Variants in CARD8 observed in about 807,000 individuals in gnomAD.
CARD8 encodes caspase recruitment domain family member 8.
CARD8 carries 38 observed loss-of-function variants against 53.2 expected under a neutral mutation model. The observed-to-expected ratio is 0.71, with a 90% confidence interval of 0.55 to 0.94. CARD8 has a LOEUF of 0.94. Among genes scored for constraint, CARD8 ranks in the 40% least tolerant of loss-of-function variants. CARD8 has a pLI of 0.00. For missense variants in CARD8, 561 were observed against 655.5 expected, an observed-to-expected ratio of 0.86 and a Z score of 1.57; for synonymous variants, 245 against 244.9, an observed-to-expected ratio of 1.00 and a Z score of 0.00.
chr19:48,214,314 G>A (rs568180364), intron 13 of CARD8, among the ~76,000 whole-genome samples: 9 of 152,240 alleles, frequency 5.9e-5, no homozygotes, highest in East Asian at 1.9e-4. Flanking sequence ...TTGTTACACC[G>A]TCTCTCTAAA....
At chr19:48,219,042 C>T (rs2145622790) in intron 11 of CARD8, 30 bp from the exon 12 acceptor site, 1 of 1,612,076 alleles carries the variant, frequency 6.2e-7, no homozygotes, top group South Asian at 1.1e-5. Flanking sequence ...TGACTTGAAG[C>T]AGTGGAGGGT....
At chr19:48,226,894 G>A (rs895013303) in intron 10 of CARD8, among the ~76,000 whole-genome samples, 1 of 151,696 alleles carries the variant, frequency 6.6e-6, no homozygotes, top group Non-Finnish European at 1.5e-5. Context: ...TGGCAAACAC[G>A]GTGAACCCTG....
chr19:48,236,624 C>T (rs908262410), intron 5 of CARD8, among the ~76,000 whole-genome samples: 11 of 152,328 alleles, frequency 7.2e-5, no homozygotes, highest in African/African-American at 2.6e-4. Context: ...ATGGACCAAG[C>T]AAGACTGAGG....
In CARD8 at chr19:48,231,672, G is replaced by A; in HGVS notation, c.530C>T (p.Thr177Ile). The change falls in exon 8 of 14, where the codon ACA becomes ATA. Residue 177 changes from threonine to isoleucine, a missense_variant. Transcript: ENST00000651546. ...CTTCCATTCTTACCTGTATCTGTTT[G>A]TGCTCTTATCAATCAACTCAACATC... is the stretch of plus-strand genomic sequence containing the variant. ...NVDVELIDKSTNRYSVWFPTA... is the reference protein window; with the variant it reads ...NVDVELIDKSINRYSVWFPTA... 1 of 1,603,374 alleles carries A rather than the reference G, an allele frequency of 6.2e-7. No homozygotes were observed. The highest frequency in any genetic ancestry group is 1.3e-5 in the African/African-American group (1 of 74,474).
intron 12 of CARD8, among the ~76,000 whole-genome samples, chr19:48,216,546 A>G (rs1248613412): frequency 6.6e-6 from 1 of 152,212 alleles, no homozygotes; most frequent in Non-Finnish European, 1.5e-5. Context: ...ATGTGCCTGG[A>G]AACTCCAAGT....
At position 48,241,030 on chromosome 19, in the gene CARD8, G is replaced by A; in HGVS notation, c.-10C>T. ...ACTCCTTTTTTTCCATTTGTCAAAT[G>A]TGGTATTTATGTCTTTACTGTATCT... is the stretch of plus-strand genomic sequence containing the variant. On this transcript the variant is annotated 5_prime_UTR_variant, in exon 4 of 14. Transcript: ENST00000651546. 2.6e-6 allele frequency: 4 copies of A among 1,534,464 alleles called. No individual in the cohort carries two copies. Among genetic ancestry groups the A allele is most frequent in the Non-Finnish European group, 3.5e-6 (4 of 1,145,378 alleles).
intron 13 of CARD8, among the ~76,000 whole-genome samples, chr19:48,213,455 A>G (rs368891921): frequency 6.6e-5 from 10 of 152,028 alleles, no homozygotes; most frequent in African/African-American, 2.4e-4. Context: ...GCTTACTGCA[A>G]TCTCCGCCCC....
intron 5 of CARD8, among the ~76,000 whole-genome samples, chr19:48,237,427 C>T (rs1375083742): frequency 6.6e-6 from 1 of 152,012 alleles, no homozygotes; most frequent in Non-Finnish European, 1.5e-5. Context: ...CTCCAGGCCC[C>T]ACCTCCAACA....
In CARD8 at chr19:48,210,007, A is replaced by C. The variant is rs1302188143; in HGVS notation, c.*1703T>G. ...ACCTCTAAGTTTGGTAAAAGACATAAAACTGCAAATTTATGAATTGGAGCA... is the reference window on the plus strand; with the variant it reads ...ACCTCTAAGTTTGGTAAAAGACATACAACTGCAAATTTATGAATTGGAGCA... On this transcript the variant is annotated 3_prime_UTR_variant, in exon 14 of 14. Coordinates refer to ENST00000651546, the MANE Select transcript of CARD8 (RefSeq NM_001184900.3). The C allele has an allele frequency of 2.0e-5, 3 of 152,228 alleles. No homozygotes were observed. The highest frequency in any genetic ancestry group is 4.4e-5 in the Non-Finnish European group (3 of 68,030). The allele number at this position is 152,228 out of a possible 1,614,324, so 9.4% of individuals were successfully genotyped here.
At chr19:48,232,113 G>A in intron 7 of CARD8, 1 of 545,252 alleles carries the variant, frequency 1.8e-6, no homozygotes, top group Admixed American at 3.1e-5. Context: ...CATTTCTACT[G>A]GTCCGAAATA....
At chr19:48,252,498 A>ATT (rs34903597) in intron 1 of CARD8, among the ~76,000 whole-genome samples, 15 of 145,814 alleles carry the variant, frequency 1.0e-4, no homozygotes, top group East Asian at 9.9e-4. Flanking sequence ...AATATATATA[A>ATT]TTTTTTTTTT....
chr19:48,252,808 T>TAC lies in CARD8; in HGVS notation c.-251-2963_-251-2962dup, dbSNP rs71334279. Among the ~76,000 whole-genome samples the TAC allele has an allele frequency of 2.5e-3, 367 of 148,278 alleles. 4 individuals are homozygous for TAC. Among genetic ancestry groups the TAC allele is most frequent in the Middle Eastern group, 0.01 (3 of 290 alleles). Reference sequence around the variant, plus strand: ...CCACCGCACTGGCCTTATCAGTATATACACACACACACACACACACACACA... The same window carrying TAC: ...CCACCGCACTGGCCTTATCAGTATATACACACACACACACACACACACACACA... On this transcript the variant is annotated intron_variant, in intron 1 of 13. Coordinates refer to ENST00000651546, the MANE Select transcript of CARD8 (RefSeq NM_001184900.3).
Position 48,238,521 on chromosome 19 carries a change from G to T in CARD8, c.71C>A (p.Ser24Tyr). ...TTTGGATGCATCTATGTTCCTACTGGATCCACTGTCCCTGGGAAAACACAA... is the reference window on the plus strand; with the variant it reads ...TTTGGATGCATCTATGTTCCTACTGTATCCACTGTCCCTGGGAAAACACAA... ...EEELPRRDSG[S>Y]SRNIDASKLI... is the part of the protein sequence containing the mutation. The change falls in exon 5 of 14, where the codon TCC (serine) becomes TAC (tyrosine). Residue 24 changes from serine (S) to tyrosine (Y), a missense_variant. Coordinates refer to ENST00000651546, the MANE Select transcript of CARD8 (RefSeq NM_001184900.3). 3 of 1,536,412 alleles carry T rather than the reference G, an allele frequency of 2.0e-6. No individual in the cohort carries two copies. The highest frequency in any genetic ancestry group is 2.6e-6 in the Non-Finnish European group (3 of 1,146,960).
chr19:48,214,492 G>A (rs2038774047), intron 13 of CARD8, among the ~76,000 whole-genome samples: 1 of 152,158 alleles, frequency 6.6e-6, no homozygotes, highest in Admixed American at 6.6e-5. Context: ...CTCTTACGGA[G>A]GTTGAGCTGG....
At chr19:48,240,348 A>G (rs951824224) in intron 4 of CARD8, among the ~76,000 whole-genome samples, 1 of 152,228 alleles carries the variant, frequency 6.6e-6, no homozygotes, top group Admixed American at 6.5e-5. Flanking sequence ...CCATGCATCA[A>G]GGAAAGAGCT....
intron 11 of CARD8, 51 bp from the exon 12 acceptor site, chr19:48,219,063 G>T: frequency 6.3e-7 from 1 of 1,586,136 alleles, no homozygotes; most frequent in Non-Finnish European, 8.6e-7. Context: ...GGAAAGGCCC[G>T]GCTCCCTACA....
At position 48,219,010 on chromosome 19, in the gene CARD8, C is replaced by G. The variant is rs140107706; in HGVS notation, c.1164G>C (p.Glu388Asp). 1.4e-4 allele frequency: 234 copies of G among 1,614,026 alleles called. No homozygotes were observed. In the African/African-American group the frequency reaches 2.8e-3, roughly 20 times the overall value. Residue 388 changes from glutamate (E) to aspartate (D), a missense_variant and splice_region_variant, in exon 12 of 14, where the codon GAG (glutamate) becomes GAC (aspartate). Transcript: ENST00000651546. ...NSANLKVMPK[E>D]LKLSYRSPGE... ...CAGGGCTCCTGTAGGACAATTTCAA[C>G]TCCTAGAGGAAACACATCAGTTGAC...
chr19:48,231,912 A>T lies in CARD8; in HGVS notation c.392-102T>A, dbSNP rs763377400. The T allele has an allele frequency of 1.1e-5, 11 of 1,006,830 alleles. 1 individual carries two copies. Among genetic ancestry groups the T allele is most frequent in the Non-Finnish European group, 1.6e-5 (10 of 641,580 alleles). 62.4% of individuals were successfully genotyped at this position (1,006,830 alleles called of 1,614,324 possible). A position where few individuals can be genotyped will look rare whatever the true frequency, so the allele number is the denominator to read the frequency against. On this transcript the variant is annotated intron_variant, in intron 7 of 13. Coordinates refer to ENST00000651546, the MANE Select transcript of CARD8 (RefSeq NM_001184900.3). ...TTGCACAGGTGCTGTTGGGATACAG[A>T]TATCGAATGAGAGCTGAGAGTGACC...
intron 3 of CARD8, among the ~76,000 whole-genome samples, chr19:48,243,826 G>C (rs1266345260): frequency 1.3e-5 from 2 of 152,156 alleles, no homozygotes; most frequent in Non-Finnish European, 2.9e-5. Flanking sequence ...ATTCCAGTCT[G>C]GGCGACAAAG....
Sources: gnomAD v4.1 joint callset for allele counts (sites outside exome capture counted in the v4.1 genomes callset) on GRCh38, gnomAD v4.1.1 for gene constraint, MANE v1.5 for transcripts, NCBI Gene and HGNC (gene_info 2026-07-23, HGNC 2026-07-21) for gene names.